EPB41L3: variants seen among roughly 807,000 people sequenced by gnomAD.
EPB41L3 encodes the protein band 4.1-like protein 3.
Under a neutral mutation model 127.1 loss-of-function variants are expected in EPB41L3, and 57 were observed. That is an observed-to-expected ratio of 0.45 (90% confidence interval 0.36 to 0.56). EPB41L3 has a LOEUF of 0.56. Among genes scored for constraint, EPB41L3 ranks in the 20% least tolerant of loss-of-function variants. The pLI is 0.00. For missense variants in EPB41L3, 1,273 were observed against 1,372.2 expected, an observed-to-expected ratio of 0.93 and a Z score of 1.14; for synonymous variants, 572 against 549.5, an observed-to-expected ratio of 1.04 and a Z score of -0.57.
intron 1 of EPB41L3, among the ~76,000 whole-genome samples, chr18:5,515,978 A>T (rs2092733948): frequency 6.6e-6 from 1 of 152,200 alleles, no homozygotes; most frequent in Non-Finnish European, 1.5e-5. Flanking sequence ...TTCCCTGACT[A>T]TAAAAGCTGC....
chr18:5,599,928 C>T (rs1320121738), intron 3 of EPB41L3, among the ~76,000 whole-genome samples: 1 of 152,084 alleles, frequency 6.6e-6, no homozygotes, highest in African/African-American at 2.4e-5. Context: ...GCACCAGAAA[C>T]TCTCCTCTAT....
intron 1 of EPB41L3, chr18:5,529,118 G>C (rs992293802): frequency 6.6e-6 from 1 of 152,148 alleles, no homozygotes; most frequent in Non-Finnish European, 1.5e-5. Flanking sequence ...ACACATTAGA[G>C]CCTTTTATGA....
intron 3 of EPB41L3, among the ~76,000 whole-genome samples, chr18:5,462,025 C>T (rs1302635851): frequency 6.6e-6 from 1 of 152,204 alleles, no homozygotes; most frequent in Non-Finnish European, 1.5e-5. Flanking sequence ...GGTATTATTA[C>T]AGCCCCAAAC....
At chr18:5,482,688 A>G (rs1209534307) in intron 2 of EPB41L3, among the ~76,000 whole-genome samples, 1 of 152,228 alleles carries the variant, frequency 6.6e-6, no homozygotes, top group Non-Finnish European at 1.5e-5. Flanking sequence ...ACAGGCCAGG[A>G]AAGAGTGGAC....
chr18:5,547,527 C>T (rs2093900451), upstream of EPB41L3, among the ~76,000 whole-genome samples: 1 of 152,192 alleles, frequency 6.6e-6, no homozygotes, highest in African/African-American at 2.4e-5. Context: ...CTGATCTCCA[C>T]TACCTTAACT....
chr18:5,593,929 A>AC (rs1459209207), intron 3 of EPB41L3, among the ~76,000 whole-genome samples: 2 of 152,174 alleles, frequency 1.3e-5, no homozygotes, highest in African/African-American at 2.4e-5. Context: ...TGTTCCCTGA[A>AC]TATTGCTGTT....
chr18:5,423,588 T>C (rs1568101416), intron 10 of EPB41L3, 35 bp from the exon 11 acceptor site: 1 of 1,565,310 alleles, frequency 6.4e-7, no homozygotes, highest in East Asian at 2.3e-5. Flanking sequence ...AGAAAGACTA[T>C]TAAGTCCAAT....
At chr18:5,621,668 G>A (rs1019597394) in intron 1 of EPB41L3, among the ~76,000 whole-genome samples, 3 of 152,218 alleles carry the variant, frequency 2.0e-5, no homozygotes, top group Non-Finnish European at 4.4e-5. Context: ...TTGGGCCTGG[G>A]AGGTCAAGGC....
intron 1 of EPB41L3, among the ~76,000 whole-genome samples, chr18:5,619,875 C>T (rs1023911534): frequency 8.5e-5 from 13 of 152,220 alleles, no homozygotes; most frequent in African/African-American, 2.9e-4. Context: ...TTCCAGGTAA[C>T]ACGGTAAACA....
intron 2 of EPB41L3, chr18:5,479,822 A>G (rs1052600315): frequency 6.6e-6 from 1 of 152,198 alleles, no homozygotes; most frequent in Admixed American, 6.5e-5. Flanking sequence ...CTACTTTTTT[A>G]ATCACTGTCT....
intron 1 of EPB41L3, among the ~76,000 whole-genome samples, chr18:5,538,994 G>GTTTTTTTTTTTTTTTTT (rs1568535153): frequency 7.8e-6 from 1 of 128,628 alleles, no homozygotes. Context: ...CTTTCTCCAA[G>GTTTTTTTTTTTTTTTTT]ATTTTTTTTT....
intron 6 of EPB41L3, among the ~76,000 whole-genome samples, chr18:5,434,918 T>G (rs1246628450): frequency 6.6e-6 from 1 of 152,190 alleles, no homozygotes; most frequent in Non-Finnish European, 1.5e-5. Context: ...AGATGACAGC[T>G]TCATGTGTGT....
At chr18:5,560,621 T>G (rs2149200725) in intron 3 of EPB41L3, among the ~76,000 whole-genome samples, 1 of 152,304 alleles carries the variant, frequency 6.6e-6, no homozygotes, top group African/African-American at 2.4e-5. Flanking sequence ...CTGCACCATT[T>G]GCCGCACCGT....
chr18:5,410,882 T>C (rs986485998), intron 13 of EPB41L3, among the ~76,000 whole-genome samples: 66 of 152,228 alleles, frequency 4.3e-4, no homozygotes, highest in Non-Finnish European at 8.8e-4. Flanking sequence ...CTGACCTGTC[T>C]GGTTCTATGT....
chr18:5,479,721 T>C (rs1298206078), intron 2 of EPB41L3: 1 of 151,028 alleles, frequency 6.6e-6, no homozygotes, highest in African/African-American at 2.4e-5. Context: ...GAATAGCCAA[T>C]TCTAAAGGCC....
chr18:5,416,009 G>A lies in EPB41L3; in HGVS notation c.1876C>T (p.Pro626Ser). Residue 626 changes from proline to serine, a missense_variant, in exon 13 of 23, where the codon CCG becomes TCG. Physicochemically the swap from Pro to Ser is moderately conservative, Grantham distance 74 (BLOSUM62 -1). Around this residue, in one of 3 missense-constraint regions of EPB41L3, gnomAD observed 765 missense variants for 782.9 expected, o/e 0.98. Coordinates refer to ENST00000341928, the MANE Select transcript of EPB41L3 (RefSeq NM_012307.5). ...LLPQSLQHYL[P>S]IRSPSLVPCF... ...GGCACAAGGGACGGTGAGCGGATCG[G>A]GAGGTAATGCTGCAAGCTCTGGGGC... is the stretch of plus-strand genomic sequence containing the variant. 6.2e-7 allele frequency: 1 copy of A among 1,614,104 alleles called. No homozygotes were observed. Among genetic ancestry groups the A allele is most frequent in the East Asian group, 2.2e-5 (1 of 44,864 alleles).
chr18:5,536,291 T>C (rs1344794594), intron 1 of EPB41L3, among the ~76,000 whole-genome samples: 3 of 151,234 alleles, frequency 2.0e-5, no homozygotes, highest in Non-Finnish European at 4.4e-5. Flanking sequence ...CTGATGTGTA[T>C]ATTAGAAGAG....
chr18:5,423,663 C>T (rs1387098382), intron 10 of EPB41L3, 110 bp from the exon 11 acceptor site: 10 of 949,094 alleles, frequency 1.1e-5, no homozygotes, highest in African/African-American at 1.7e-5. Context: ...AAACATTTAA[C>T]GCACAACTTG....
chr18:5,562,939 G>C (rs573304739), intron 3 of EPB41L3, among the ~76,000 whole-genome samples: 1 of 152,344 alleles, frequency 6.6e-6, no homozygotes, highest in South Asian at 2.1e-4. Flanking sequence ...CTCTGCTTTG[G>C]AGGGAGAAAT....
Sources: allele counts gnomAD v4.1 joint callset (sites outside exome capture counted in the v4.1 genomes callset), GRCh38; gene constraint gnomAD v4.1.1; regional missense constraint gnomAD v4.1.1; transcripts MANE v1.5; gene names NCBI Gene and HGNC (gene_info 2026-07-23, HGNC 2026-07-21).